Variants in NEMP2 observed in about 807,000 individuals in gnomAD.
NEMP2 encodes UPF0571 transmembrane protein.
A neutral mutation model predicts 54.2 loss-of-function variants in NEMP2; 53 were observed. That is an observed-to-expected ratio of 0.98 (90% CI 0.78 to 1.23). NEMP2 has a LOEUF of 1.23. NEMP2 is among the 50% of genes most tolerant of loss of function. The pLI is 0.00. For synonymous variants in NEMP2, 197 were observed against 190.3 expected (o/e 1.04, Z -0.29); for missense variants, 455 against 511.3 (o/e 0.89, Z 1.06).
the NEMP2 span, among the ~76,000 whole-genome samples, chr2:190,590,025 C>A: frequency 1.3e-5 from 2 of 152,128 alleles, no homozygotes; most frequent in African/African-American, 4.8e-5. This position sits in a 1 kb window ranked among gnomAD's most constrained non-coding sequence, Gnocchi z 5.1. Context: ...CTGCCTGGGT[C>A]CATCACCATA....
the NEMP2 span, among the ~76,000 whole-genome samples, chr2:190,580,323 T>C: frequency 6.6e-6 from 1 of 152,166 alleles, no homozygotes; most frequent in Admixed American, 6.5e-5. The surrounding 1 kb of genome is among the most constrained non-coding windows in gnomAD (Gnocchi z 5.3). Flanking sequence ...AAAACCATCA[T>C]TTGGCTCTTT....
chr2:190,447,841 G>C, the NEMP2 span, among the ~76,000 whole-genome samples: 1 of 152,138 alleles, frequency 6.6e-6, no homozygotes, highest in African/African-American at 2.4e-5. The surrounding 1 kb of genome is among the most constrained non-coding windows in gnomAD (Gnocchi z 4.5). Flanking sequence ...TAATCATTTG[G>C]TTTTTATCAT....
At chr2:190,584,565 A>G in the NEMP2 span, among the ~76,000 whole-genome samples, 1 of 152,214 alleles carries the variant, frequency 6.6e-6, no homozygotes, top group East Asian at 1.9e-4. The surrounding 1 kb of genome is among the most constrained non-coding windows in gnomAD (Gnocchi z 4.2). Flanking sequence ...AGACTTTTAC[A>G]CAATTTGTTA....
At chr2:190,449,651 G>C in the NEMP2 span, among the ~76,000 whole-genome samples, 1 of 140,374 alleles carries the variant, frequency 7.1e-6, no homozygotes, top group Non-Finnish European at 1.6e-5. Flanking sequence ...TTAAGAAAAT[G>C]TAGCACATAT....
In NEMP2 at chr2:190,510,522, C is replaced by T. The variant is rs937780209; in HGVS notation, c.969G>A (p.Trp323Ter). The T allele has an allele frequency of 1.9e-6, 3 of 1,551,868 alleles. No homozygotes were observed. Among genetic ancestry groups the T allele is most frequent in the Non-Finnish European group, 2.6e-6 (3 of 1,147,056 alleles). The change falls in exon 8 of 9, where the codon TGG (tryptophan) becomes TGA (stop). Residue 323 changes from tryptophan (W) to a stop codon, truncating the protein, a stop_gained. Transcript: ENST00000409150. LOFTEE classifies it high-confidence loss of function. The surrounding 1 kb of genome is among the most constrained non-coding windows in gnomAD (Gnocchi z 5.7). ...CSYMRWKMEQ[W>*]FTSKELVVKY... is the part of the protein sequence containing the mutation. ...TCACCACCAGCTCTTTTGATGTAAA[C>T]CACTGCTCCATTTTCCTAAAACATG... is the stretch of plus-strand genomic sequence containing the variant.
chr2:190,459,144 C>T, the NEMP2 span, among the ~76,000 whole-genome samples: 1 of 152,198 alleles, frequency 6.6e-6, no homozygotes, highest in South Asian at 2.1e-4. This position sits in a 1 kb window ranked among gnomAD's most constrained non-coding sequence, Gnocchi z 5.3. Flanking sequence ...TTTCCTCCCT[C>T]CATATTGTGG....
downstream of NEMP2, chr2:190,500,456 G>A (rs1689974046): frequency 1.1e-5 from 6 of 533,884 alleles, no homozygotes; most frequent in East Asian, 1.9e-4. The surrounding 1 kb of genome is among the most constrained non-coding windows in gnomAD (Gnocchi z 5.3). Flanking sequence ...GTTCAATGAG[G>A]ACTTTCAGTT....
chr2:190,631,671 T>C, the NEMP2 span, among the ~76,000 whole-genome samples: 2 of 152,236 alleles, frequency 1.3e-5, no homozygotes, highest in Non-Finnish European at 2.9e-5. Flanking sequence ...TTTATTGTTA[T>C]AGTCATGACT....
the NEMP2 span, chr2:190,624,934 T>A: frequency 5.9e-5 from 9 of 152,180 alleles, no homozygotes; most frequent in African/African-American, 2.2e-4. Context: ...AAATCATCTA[T>A]CATCAAAAAG....
the NEMP2 span, among the ~76,000 whole-genome samples, chr2:190,596,050 C>G: frequency 6.6e-6 from 1 of 152,128 alleles, no homozygotes; most frequent in African/African-American, 2.4e-5. The surrounding 1 kb of genome is among the most constrained non-coding windows in gnomAD (Gnocchi z 5.1). Flanking sequence ...ACATATACAC[C>G]ATGGAATACT....
the NEMP2 span, among the ~76,000 whole-genome samples, chr2:190,595,385 A>G: frequency 6.6e-6 from 1 of 152,256 alleles, no homozygotes; most frequent in African/African-American, 2.4e-5. The surrounding 1 kb of genome is among the most constrained non-coding windows in gnomAD (Gnocchi z 4.0). Flanking sequence ...AATGGCAACA[A>G]AAGCCCAAAT....
the NEMP2 span, among the ~76,000 whole-genome samples, chr2:190,484,807 C>T: frequency 6.6e-6 from 1 of 152,144 alleles, no homozygotes; most frequent in Non-Finnish European, 1.5e-5. Context: ...TATACGATAT[C>T]TTAAAATAAG....
At chr2:190,498,032 G>T in the NEMP2 span, 1 of 214,938 alleles carries the variant, frequency 4.7e-6, no homozygotes. The surrounding 1 kb of genome is among the most constrained non-coding windows in gnomAD (Gnocchi z 5.9). Context: ...CAGTATTGAT[G>T]GTTGTCTCTG....
At chr2:190,448,918 C>T in the NEMP2 span, among the ~76,000 whole-genome samples, 44 of 152,230 alleles carry the variant, frequency 2.9e-4, no homozygotes, top group South Asian at 1.0e-3. Flanking sequence ...TATAACCGTC[C>T]TCCTGTAGAA....
At chr2:190,490,461 G>C in the NEMP2 span, among the ~76,000 whole-genome samples, 1 of 152,026 alleles carries the variant, frequency 6.6e-6, no homozygotes, top group African/African-American at 2.4e-5. This position sits in a 1 kb window ranked among gnomAD's most constrained non-coding sequence, Gnocchi z 4.5. Flanking sequence ...TACTCAGGAG[G>C]CTGAGGCAGG....
chr2:190,477,123 G>A, the NEMP2 span: 4 of 291,962 alleles, frequency 1.4e-5, no homozygotes, highest in Non-Finnish European at 2.0e-5. Flanking sequence ...GTTAATGGGT[G>A]CAGCACACCA....
chr2:190,433,348 C>T, the NEMP2 span: 5 of 151,980 alleles, frequency 3.3e-5, no homozygotes, highest in East Asian at 1.9e-4. The surrounding 1 kb of genome is among the most constrained non-coding windows in gnomAD (Gnocchi z 4.5). Flanking sequence ...GAATTGGAGC[C>T]GCTGAGCTGG....
the NEMP2 span, among the ~76,000 whole-genome samples, chr2:190,552,284 A>C: frequency 6.6e-6 from 1 of 152,184 alleles, no homozygotes; most frequent in African/African-American, 2.4e-5. Context: ...GTCTTCATTC[A>C]TCAGTGTGGA....
At chr2:190,429,521 T>C in the NEMP2 span, among the ~76,000 whole-genome samples, 1 of 151,640 alleles carries the variant, frequency 6.6e-6, no homozygotes, top group Non-Finnish European at 1.5e-5. Context: ...AAAGACGGGG[T>C]TTCATCATGT....
Sources: allele counts gnomAD v4.1 joint callset (sites outside exome capture counted in the v4.1 genomes callset), GRCh38; gene constraint gnomAD v4.1.1; non-coding constraint Gnocchi (gnomAD v3.1); transcripts MANE v1.5; gene names NCBI Gene and HGNC (gene_info 2026-07-23, HGNC 2026-07-21).